Variants in GOLGA6B observed in about 807,000 individuals in gnomAD.
The protein encoded by GOLGA6B is golgin A6 family member B, also known as golgin subfamily A member 6B.
Under a neutral mutation model 63.0 loss-of-function variants are expected in GOLGA6B, and 11 were observed. The ratio of observed to expected loss-of-function variants is 0.17; its 90% CI spans 0.11 to 0.29. The LOEUF (loss-of-function observed/expected upper bound fraction) is 0.29, where lower values mean the gene tolerates loss of function less well. Ranked by LOEUF, GOLGA6B falls within the 10% of genes least tolerant of loss-of-function variation. The pLI is 1.00. For synonymous variants in GOLGA6B, 46 were observed against 232.6 expected (o/e 0.20, Z 7.30); for missense variants, 134 against 563.8 (o/e 0.24, Z 7.72).
chr15:72,662,239 C>T lies in GOLGA6B; in HGVS notation c.848-13C>T, dbSNP rs1484732494. On this transcript the variant is annotated splice_polypyrimidine_tract_variant and intron_variant, in intron 10 of 17. Coordinates refer to ENST00000421285, the MANE Select transcript of GOLGA6B (RefSeq NM_018652.5). ...GGAATCCAGAGGCCCTTATTGTCTG[C>T]TTCATTTCTCAGCTAAGCCCCCATC... 3 of 1,371,174 alleles carry T rather than the reference C, an allele frequency of 2.2e-6. No homozygotes were observed. The East Asian group carries it at 8.1e-5, about 37-fold the overall frequency. The allele number at this position is 1,371,174 out of a possible 1,614,324, so 84.9% of individuals were successfully genotyped here.
Position 72,664,404 on chromosome 15 carries a change from G to A in GOLGA6B, c.1426-32G>A, listed in dbSNP as rs781422939. On this transcript the variant is annotated intron_variant, in intron 12 of 17. Transcript: ENST00000421285. ...CGAGGGGGATGACCTGGCAACCTCC[G>A]TGCCTTCTCACTCTGTTTCCCGTCC... 30 of 1,320,874 alleles carry A rather than the reference G, an allele frequency of 2.3e-5. No individual in the cohort carries two copies. In the South Asian group the frequency reaches 3.7e-4, roughly 16 times the overall value. The allele number at this position is 1,320,874 out of a possible 1,614,324, so 81.8% of individuals were successfully genotyped here. A position where few individuals can be genotyped will look rare whatever the true frequency, so the allele number is the denominator to read the frequency against.
rs201770146 is a variant in GOLGA6B at position 72,662,497 on chromosome 15, G to A, written c.1093G>A (p.Glu365Lys). ...GCAGGAGAGACTGTGTGAACAAAAC[G>A]AGAGGCTTCGGGAGCAGCAGAAGAC... ...REQERLCEQN[E>K]RLREQQKTLQ... Residue 365 changes from glutamate (E) to lysine (K), a missense_variant, in exon 11 of 18, where the codon GAG (glutamate) becomes AAG (lysine). Coordinates refer to ENST00000421285, the MANE Select transcript of GOLGA6B (RefSeq NM_018652.5). The A allele has an allele frequency of 0.025, 36,658 of 1,440,272 alleles. 6,097 individuals are homozygous for A. In the African/African-American group the frequency reaches 0.3, roughly 12 times the overall value. The allele number at this position is 1,440,272 out of a possible 1,614,324, so 89.2% of individuals were successfully genotyped here. A position where few individuals can be genotyped will look rare whatever the true frequency, so the allele number is the denominator to read the frequency against.
rs767578261 is a variant in GOLGA6B, at chr15:72,664,492, C to T, written c.1482C>T (p.Leu494=). The part of the protein sequence containing the change: ...QNQQLETQLS[L]VALPGEGDGG... The stretch of plus-strand genomic sequence containing the variant: ...AACAGCTAGAGACCCAGCTAAGCCT[C>T]GTGGCTCTCCCGGGAGAAGGTACAG... The change falls in exon 13 of 18, where the codon CTC becomes CTT. Residue 494 remains leucine (L), a synonymous_variant. Transcript: ENST00000421285. 6.3e-5 allele frequency: 86 copies of T among 1,356,460 alleles called. 4 individuals carry two copies. The highest frequency in any genetic ancestry group is 3.8e-4 in the South Asian group (27 of 70,894). 84.0% of individuals were successfully genotyped at this position (1,356,460 alleles called of 1,614,324 possible).
chr15:72,661,176 CGAGTTGTA>C, intron 7 of GOLGA6B, 80 bp from the exon 8 acceptor site: 1 of 1,455,680 alleles, frequency 6.9e-7, no homozygotes, highest in East Asian at 2.3e-5. Context: ...CTTTACTGAC[CGAGTTGTA>C]TATTGAGCCT....
Position 72,664,452 on chromosome 15 carries a change from C to T in GOLGA6B, c.1442C>T (p.Ala481Val), listed in dbSNP as rs749628089. 1.5e-6 allele frequency: 2 copies of T among 1,328,470 alleles called. 1 individual carries two copies. Among genetic ancestry groups the T allele is most frequent in the South Asian group, 2.8e-5 (2 of 70,744 alleles). 82.3% of individuals were successfully genotyped at this position (1,328,470 alleles called of 1,614,324 possible). ...EKLDEEHLEA[A>V]SQQNQQLETQ... ...TCCCCTTAGGAGCACCTAGAAGCTG[C>T]CAGCCAGCAGAACCAACAGCTAGAG... Residue 481 changes from alanine to valine, a missense_variant, in exon 13 of 18, where the codon GCC becomes GTC. By Grantham distance (64) the Ala-to-Val change is moderately conservative. Transcript: ENST00000421285.
At chr15:72,657,710 G>A (rs2064582787) in intron 2 of GOLGA6B, among the ~76,000 whole-genome samples, 1 of 34,638 alleles carries the variant, frequency 2.9e-5, no homozygotes, top group Admixed American at 2.6e-4. Context: ...ACCCCTCTCT[G>A]GCTTGCTGTC....
Position 72,667,869 on chromosome 15 carries a change from G to A in GOLGA6B, c.*1527G>A, listed in dbSNP as rs1477245881. ...AGTGTCTATACAATGACAGACTTAC[G>A]TTTCCTCACAAAGTTCTTCACAAAG... On this transcript the variant is annotated 3_prime_UTR_variant, in exon 18 of 18. Coordinates refer to ENST00000421285, the MANE Select transcript of GOLGA6B (RefSeq NM_018652.5). 2.7e-5 allele frequency among the ~76,000 whole-genome samples: 1 copy of A among 37,540 alleles called. No homozygotes were observed. The highest frequency in any genetic ancestry group is 3.7e-5 in the African/African-American group (1 of 27,382). The allele number at this position is 37,540 out of a possible 152,430, so 24.6% of individuals were successfully genotyped here.
Position 72,669,373 on chromosome 15 carries a change from C to T in GOLGA6B, c.*3031C>T, listed in dbSNP as rs1208700961. Among the ~76,000 whole-genome samples the T allele has an allele frequency of 6.6e-6, 1 of 151,688 alleles. No homozygotes were observed. Among genetic ancestry groups the T allele is most frequent in the Non-Finnish European group, 1.5e-5 (1 of 67,892 alleles). On this transcript the variant is annotated 3_prime_UTR_variant, in exon 18 of 18. Transcript: ENST00000421285. ...GTTAAAACACTTTAAAATATGAATACTGTAGTTTGAAAGAAAGAAACTGGG... is the reference window on the plus strand; with the variant it reads ...GTTAAAACACTTTAAAATATGAATATTGTAGTTTGAAAGAAAGAAACTGGG...
At chr15:72,664,097 T>G (rs1389184003) in intron 12 of GOLGA6B, among the ~76,000 whole-genome samples, 1 of 130,040 alleles carries the variant, frequency 7.7e-6, no homozygotes, top group Non-Finnish European at 1.7e-5. Flanking sequence ...CCAGCCACCA[T>G]GTGCCCTCAT....
In GOLGA6B at chr15:72,662,335, G is replaced by A; in HGVS notation, c.931G>A (p.Val311Met). 1 of 1,391,150 alleles carries A rather than the reference G, an allele frequency of 7.2e-7. No homozygotes were observed. Among genetic ancestry groups the A allele is most frequent in the East Asian group, 2.6e-5 (1 of 38,318 alleles). The allele number at this position is 1,391,150 out of a possible 1,614,324, so 86.2% of individuals were successfully genotyped here. Residue 311 changes from valine to methionine, a missense_variant, in exon 11 of 18, where the codon GTG (valine) becomes ATG (methionine). Physicochemically the swap from Val to Met is conservative, Grantham distance 21. Coordinates refer to ENST00000421285, the MANE Select transcript of GOLGA6B (RefSeq NM_018652.5). ...TGAGGCCAAACACCTGAGGCAGGAG[G>A]TGGAAGGTCTGGAGGGAAAGCTCCA... ...QDEAKHLRQE[V>M]EGLEGKLQSQ...
intron 10 of GOLGA6B, 36 bp from the exon 11 acceptor site, chr15:72,662,216 A>C: frequency 7.5e-7 from 1 of 1,332,584 alleles, no homozygotes; most frequent in East Asian, 2.7e-5. Context: ...GGGGTTGGGG[A>C]ATCCAGAGGC....
At position 72,660,583 on chromosome 15, in the gene GOLGA6B, G is replaced by A. The variant is rs1279647174; in HGVS notation, c.564+354G>A. 9.6e-3 allele frequency among the ~76,000 whole-genome samples: 899 copies of A among 93,212 alleles called. 22 individuals carry two copies. The highest frequency in any genetic ancestry group is 0.035 in the South Asian group (108 of 3,074). The allele number at this position is 93,212 out of a possible 152,430, so 61.2% of individuals were successfully genotyped here. Reference sequence around the variant, plus strand: ...TTACCATTTCTGTAGAGAGAGGAAAGGGGTGTGTGTGTGTGTGTGTGTGTG... The same window carrying A: ...TTACCATTTCTGTAGAGAGAGGAAAAGGGTGTGTGTGTGTGTGTGTGTGTG... On this transcript the variant is annotated intron_variant, in intron 7 of 17. Coordinates refer to ENST00000421285, the MANE Select transcript of GOLGA6B (RefSeq NM_018652.5).
rs1281248612 is a variant in GOLGA6B, at chr15:72,664,445, G to T, written c.1435G>T (p.Glu479Ter). 1.5e-6 allele frequency: 2 copies of T among 1,325,838 alleles called. No individual in the cohort carries two copies. The highest frequency in any genetic ancestry group is 1.5e-5 in the African/African-American group (1 of 68,798). 82.1% of individuals were successfully genotyped at this position (1,325,838 alleles called of 1,614,324 possible). A position where few individuals can be genotyped will look rare whatever the true frequency, so the allele number is the denominator to read the frequency against. The change falls in exon 13 of 18, where the codon GAA (glutamate) becomes TAA (stop). Residue 479 changes from glutamate to a stop codon, truncating the protein, a stop_gained. Coordinates refer to ENST00000421285, the MANE Select transcript of GOLGA6B (RefSeq NM_018652.5). LOFTEE classifies it high-confidence loss of function. ...LQEKLDEEHL[E>*]AASQQNQQLE... ...TTTCCCGTCCCCTTAGGAGCACCTA[G>T]AAGCTGCCAGCCAGCAGAACCAACA...
chr15:72,664,349 C>T, intron 12 of GOLGA6B, 87 bp from the exon 13 acceptor site: 1 of 1,259,228 alleles, frequency 7.9e-7, no homozygotes, highest in South Asian at 1.5e-5. Flanking sequence ...GCAGGAGACC[C>T]AGGGGAGGCA....
chr15:72,662,232 T>C lies in GOLGA6B; in HGVS notation c.848-20T>C, dbSNP rs2064602419. On this transcript the variant is annotated intron_variant, in intron 10 of 17. Coordinates refer to ENST00000421285, the MANE Select transcript of GOLGA6B (RefSeq NM_018652.5). ...GGGTTGGGGAATCCAGAGGCCCTTA[T>C]TGTCTGCTTCATTTCTCAGCTAAGC... 1.4e-6 allele frequency: 2 copies of C among 1,386,942 alleles called. No homozygotes were observed. Among genetic ancestry groups the C allele is most frequent in the African/African-American group, 1.5e-5 (1 of 65,432 alleles). The allele number at this position is 1,386,942 out of a possible 1,614,324, so 85.9% of individuals were successfully genotyped here. A position where few individuals can be genotyped will look rare whatever the true frequency, so the allele number is the denominator to read the frequency against.
intron 12 of GOLGA6B, 45 bp from the exon 13 acceptor site, chr15:72,664,391 C>T (rs1438790879): frequency 7.6e-7 from 1 of 1,312,132 alleles, no homozygotes; most frequent in East Asian, 2.6e-5. Context: ...AGGGGGATGA[C>T]CTGGCAACCT....
At chr15:72,662,007 AG>A (rs2064600735) in intron 10 of GOLGA6B, among the ~76,000 whole-genome samples, 161 bp downstream of exon 10, 1 of 72,712 alleles carries the variant, frequency 1.4e-5, no homozygotes, top group Non-Finnish European at 2.7e-5. Context: ...CATGAGCCTC[AG>A]GGTCCCCATC....
chr15:72,663,501 C>G (rs1377698230), intron 12 of GOLGA6B, among the ~76,000 whole-genome samples: 1 of 106,442 alleles, frequency 9.4e-6, no homozygotes, highest in East Asian at 3.0e-4. Flanking sequence ...CTCACCCCTA[C>G]TAAAATTACA....
Position 72,662,259 on chromosome 15 carries a change from C to T in GOLGA6B, c.855C>T (p.Pro285=), listed in dbSNP as rs1439799721. The change falls in exon 11 of 18, where the codon CCC becomes CCT. Residue 285 remains proline (P), a synonymous_variant. Coordinates refer to ENST00000421285, the MANE Select transcript of GOLGA6B (RefSeq NM_018652.5). ...LSELKNQMAK[P]PSLAPPAVTS... ...GTCTGCTTCATTTCTCAGCTAAGCC[C>T]CCATCCCTGGCGCCCCCAGCAGTGA... is the stretch of plus-strand genomic sequence containing the variant. The T allele has an allele frequency of 2.9e-6, 4 of 1,385,602 alleles. No homozygotes were observed. The East Asian group carries it at 1.1e-4, about 36-fold the overall frequency. 85.8% of individuals were successfully genotyped at this position (1,385,602 alleles called of 1,614,324 possible). A position where few individuals can be genotyped will look rare whatever the true frequency, so the allele number is the denominator to read the frequency against.
Sources: allele counts gnomAD v4.1 joint callset (sites outside exome capture counted in the v4.1 genomes callset), GRCh38; gene constraint gnomAD v4.1.1; transcripts MANE v1.5; gene names NCBI Gene and HGNC (gene_info 2026-07-23, HGNC 2026-07-21).